The following PRKCH variants were observed in gnomAD, a reference collection of about 807,000 sequenced individuals.
The protein encoded by PRKCH is protein kinase C eta type.
In PRKCH, 28 loss-of-function variants were observed where a neutral mutation model predicts 82.5. The observed-to-expected ratio is 0.34, with a 90% CI of 0.25 to 0.47. The LOEUF is 0.47. Among genes scored for constraint, PRKCH ranks in the 20% least tolerant of loss-of-function variants. The pLI is 1.00. For missense variants in PRKCH, 705 were observed against 881.8 expected (o/e 0.80, Z 2.54); for synonymous variants, 322 against 327.4 (o/e 0.98, Z 0.18).
At chr14:61,357,090 A>ACACT (rs2046160006) in intron 1 of PRKCH, among the ~76,000 whole-genome samples, 1 of 152,200 alleles carries the variant, frequency 6.6e-6, no homozygotes, top group Non-Finnish European at 1.5e-5. Flanking sequence ...AGTCATCGGA[A>ACACT]CACTGGTCAG....
chr14:61,391,123 G>T (rs1349796531), intron 1 of PRKCH, 102 bp from the exon 2 acceptor site: 2 of 873,256 alleles, frequency 2.3e-6, no homozygotes, highest in African/African-American at 1.8e-5. Flanking sequence ...TTTGATTTGT[G>T]GCTGTGATTT....
At chr14:61,537,828 G>T (rs766544123) in intron 12 of PRKCH, 1 of 152,266 alleles carries the variant, frequency 6.6e-6, no homozygotes, top group Non-Finnish European at 1.5e-5. Context: ...TAAAGTGTGT[G>T]TGTATGCATG....
chr14:61,293,538 G>A (rs890411814), intron 1 of PRKCH, among the ~76,000 whole-genome samples: 2 of 152,096 alleles, frequency 1.3e-5, no homozygotes, highest in East Asian at 1.9e-4. Flanking sequence ...TTGTACAAAC[G>A]GAATACTCAA....
At chr14:61,388,817 T>C (rs1290582392) in intron 1 of PRKCH, among the ~76,000 whole-genome samples, 1 of 152,206 alleles carries the variant, frequency 6.6e-6, no homozygotes, top group South Asian at 2.1e-4. Context: ...GTAGTCATGA[T>C]GCAAGTAGCT....
At chr14:61,317,977 G>C (rs546064264), upstream of PRKCH, among the ~76,000 whole-genome samples, 1 of 152,248 alleles carries the variant, frequency 6.6e-6, no homozygotes, top group Admixed American at 6.5e-5. Flanking sequence ...CTGCTTAAAT[G>C]TATCAAGATA....
intron 1 of PRKCH, among the ~76,000 whole-genome samples, chr14:61,289,728 G>A (rs550447247): frequency 6.6e-6 from 1 of 152,138 alleles, no homozygotes; most frequent in East Asian, 1.9e-4. Flanking sequence ...AAGTATTGAG[G>A]GTGACTTTAC....
At chr14:61,453,472 C>T (rs1884608773) in intron 7 of PRKCH, 119 bp downstream of exon 7, 1 of 990,510 alleles carries the variant, frequency 1.0e-6, no homozygotes, top group Non-Finnish European at 1.4e-6. Context: ...AATAAACAGA[C>T]TTATTGCCTT....
chr14:61,522,057 C>A (rs2042913885), intron 10 of PRKCH, among the ~76,000 whole-genome samples: 1 of 152,290 alleles, frequency 6.6e-6, no homozygotes, highest in South Asian at 2.1e-4. Flanking sequence ...AATATCTCCA[C>A]CTGTATGTCT....
chr14:61,494,511 TG>T (rs1861269953), intron 10 of PRKCH, among the ~76,000 whole-genome samples: 1 of 152,248 alleles, frequency 6.6e-6, no homozygotes, highest in Non-Finnish European at 1.5e-5. Flanking sequence ...GTCCTGGGGA[TG>T]TGGGCAGGTT....
At chr14:61,517,891 T>C (rs1178609259) in intron 10 of PRKCH, among the ~76,000 whole-genome samples, 1 of 152,258 alleles carries the variant, frequency 6.6e-6, no homozygotes, top group Non-Finnish European at 1.5e-5. Flanking sequence ...TGTTCCTGGC[T>C]GGTGGCTCTC....
intron 1 of PRKCH, among the ~76,000 whole-genome samples, chr14:61,293,206 A>G (rs942092105): frequency 6.6e-5 from 10 of 152,232 alleles, no homozygotes; most frequent in African/African-American, 2.4e-4. Context: ...CTACAACTGC[A>G]TGGACAGATA....
chr14:61,365,981 T>G (rs1303843211), intron 1 of PRKCH, among the ~76,000 whole-genome samples: 1 of 152,050 alleles, frequency 6.6e-6, no homozygotes, highest in Non-Finnish European at 1.5e-5. Flanking sequence ...AAGGCTTATG[T>G]AGAGGAACTG....
chr14:61,508,277 GT>G (rs893188800), intron 10 of PRKCH, among the ~76,000 whole-genome samples: 2 of 152,058 alleles, frequency 1.3e-5, no homozygotes, highest in African/African-American at 4.8e-5. Context: ...GCTGGCAAGT[GT>G]TTTTTTAGCC....
chr14:61,392,206 A>G (rs1173473921), intron 2 of PRKCH, among the ~76,000 whole-genome samples: 1 of 152,086 alleles, frequency 6.6e-6, no homozygotes, highest in Non-Finnish European at 1.5e-5. Flanking sequence ...ATTATGAATA[A>G]TGCTTTTATT....
At chr14:61,364,902 G>T (rs1490533708) in intron 1 of PRKCH, among the ~76,000 whole-genome samples, 2 of 151,984 alleles carry the variant, frequency 1.3e-5, no homozygotes, top group Admixed American at 1.3e-4. Flanking sequence ...GACCTAAGAG[G>T]ATAGAAGGAA....
intron 1 of PRKCH, chr14:61,360,931 T>A (rs1267446004): frequency 1.3e-5 from 2 of 152,232 alleles, no homozygotes; most frequent in Non-Finnish European, 2.9e-5. Flanking sequence ...GGTGATGGAC[T>A]TCTGCAGTCC....
chr14:61,390,424 A>G (rs1327746374), intron 1 of PRKCH, among the ~76,000 whole-genome samples: 4 of 152,102 alleles, frequency 2.6e-5, no homozygotes, highest in Non-Finnish European at 5.9e-5. Flanking sequence ...TAATCCCAGC[A>G]CTTTGGGAGG....
At chr14:61,508,401 T>C (rs1887243642) in intron 10 of PRKCH, among the ~76,000 whole-genome samples, 1 of 152,178 alleles carries the variant, frequency 6.6e-6, no homozygotes, top group African/African-American at 2.4e-5. Context: ...TAGGTAGTGA[T>C]AGAGGAATTG....
intron 1 of PRKCH, among the ~76,000 whole-genome samples, chr14:61,382,080 G>C (rs2046519627): frequency 6.6e-6 from 1 of 152,182 alleles, no homozygotes; most frequent in South Asian, 2.1e-4. Context: ...AGATAATATA[G>C]GTCAAGCATT....
Sources: gnomAD v4.1 joint callset for allele counts (sites outside exome capture counted in the v4.1 genomes callset) on GRCh38, gnomAD v4.1.1 for gene constraint, MANE v1.5 for transcripts, NCBI Gene and HGNC (gene_info 2026-07-23, HGNC 2026-07-21) for gene names.